Variants in RAP1GAP2 observed in about 807,000 individuals in gnomAD.
RAP1GAP2 encodes the protein rap1 GTPase-activating protein 2.
RAP1GAP2 carries 27 observed loss-of-function variants against 95.0 expected under a neutral mutation model. The ratio of observed to expected loss-of-function variants is 0.28; its 90% CI spans 0.21 to 0.39. The LOEUF is 0.39. Ranked by LOEUF, RAP1GAP2 falls within the 10% of genes least tolerant of loss-of-function variation. The pLI is 1.00. For synonymous variants in RAP1GAP2, 373 were observed against 380.9 expected (o/e 0.98, Z 0.24); for missense variants, 771 against 970.0 (o/e 0.79, Z 2.72).
In RAP1GAP2 at chr17:3,004,590, C is replaced by T. The variant is rs1199226531; in HGVS notation, c.1201-779C>T. 6.6e-6 allele frequency among the ~76,000 whole-genome samples: 1 copy of T among 152,246 alleles called. No individual in the cohort carries two copies. Among genetic ancestry groups the T allele is most frequent in the South Asian group, 2.1e-4 (1 of 4,828 alleles). On this transcript the variant is annotated intron_variant, in intron 14 of 24. Coordinates refer to ENST00000254695, the MANE Select transcript of RAP1GAP2 (RefSeq NM_015085.5). The surrounding 1 kb of genome is among the most constrained non-coding windows in gnomAD (Gnocchi z 4.1). ...TGGGGCCCGTCCCACGCCTGGGCGA[C>T]CCCCATGCAGCGAACCTCGAGGCCG...
rs980102866 is a variant in RAP1GAP2 at position 2,870,686 on chromosome 17, A to G, written c.81-34598A>G. On this transcript the variant is annotated intron_variant, in intron 2 of 24. Transcript: ENST00000254695. The surrounding 1 kb of genome is among the most constrained non-coding windows in gnomAD (Gnocchi z 4.4). ...AAAGGCGGGATTATACTTTAGGTAC[A>G]GTACATTAGTCAAGACCCTTGGTGG... Among the ~76,000 whole-genome samples the G allele has an allele frequency of 6.6e-6, 1 of 152,198 alleles. No homozygotes were observed. Among genetic ancestry groups the G allele is most frequent in the African/African-American group, 2.4e-5 (1 of 41,448 alleles).
intron 3 of RAP1GAP2, among the ~76,000 whole-genome samples, chr17:2,929,325 T>C (rs2043066184): frequency 6.6e-6 from 1 of 151,840 alleles, no homozygotes; most frequent in African/African-American, 2.4e-5. Flanking sequence ...GGGCAGGGCC[T>C]GTGGAGGGTG....
chr17:2,957,178 G>A (rs1270152568), intron 3 of RAP1GAP2, among the ~76,000 whole-genome samples: 2 of 151,568 alleles, frequency 1.3e-5, no homozygotes, highest in South Asian at 2.1e-4. Context: ...TGGAGGCCTC[G>A]GTTCAATGGT....
chr17:3,019,509 G>A (rs1357546175), intron 18 of RAP1GAP2, among the ~76,000 whole-genome samples: 1 of 152,186 alleles, frequency 6.6e-6, no homozygotes, highest in Non-Finnish European at 1.5e-5. Flanking sequence ...GTGAGACCCT[G>A]TCTCCAAATC....
intron 4 of RAP1GAP2, among the ~76,000 whole-genome samples, chr17:2,959,068 C>A (rs1441176954): frequency 6.6e-6 from 1 of 152,126 alleles, no homozygotes; most frequent in African/African-American, 2.4e-5. Flanking sequence ...TTGCTTGGAG[C>A]AAAGCTGGGA....
At chr17:2,800,366 T>A (rs1276455055) in intron 1 of RAP1GAP2, 149 bp from the exon 2 acceptor site, 2 of 1,257,986 alleles carry the variant, frequency 1.6e-6, no homozygotes. Context: ...TCTCTCCCCC[T>A]GCTAGCGGAG....
chr17:2,990,079 TG>T (rs1419064254), intron 11 of RAP1GAP2, among the ~76,000 whole-genome samples: 59 of 152,376 alleles, frequency 3.9e-4, no homozygotes, highest in African/African-American at 1.4e-3. Context: ...CGTTGTTCCT[TG>T]TTCATGGCCA....
intron 2 of RAP1GAP2, among the ~76,000 whole-genome samples, chr17:2,864,387 A>T (rs951825031): frequency 6.6e-6 from 1 of 152,228 alleles, no homozygotes; most frequent in Non-Finnish European, 1.5e-5. Flanking sequence ...ATATTTTAGA[A>T]TTGGAAGATT....
chr17:2,921,683 C>A (rs962894722), intron 3 of RAP1GAP2, among the ~76,000 whole-genome samples: 3 of 151,640 alleles, frequency 2.0e-5, no homozygotes. Flanking sequence ...TCAGCAGGGC[C>A]GTTAAGGTGT....
Position 3,034,894 on chromosome 17 carries a change from C to T in RAP1GAP2, c.*1533C>T, listed in dbSNP as rs895592511. On this transcript the variant is annotated 3_prime_UTR_variant, in exon 25 of 25. Transcript: ENST00000254695. The surrounding 1 kb of genome is among the most constrained non-coding windows in gnomAD (Gnocchi z 5.1). ...AGAGTGACACTGGCTGGGCACCTGC[C>T]CCACGACCAATGACAAGGATTTCCA... 6.6e-6 allele frequency: 1 copy of T among 152,206 alleles called. No individual in the cohort carries two copies. Among genetic ancestry groups the T allele is most frequent in the East Asian group, 1.9e-4 (1 of 5,192 alleles). 9.4% of individuals were successfully genotyped at this position (152,206 alleles called of 1,614,324 possible).
At chr17:2,850,934 C>CT (rs2071821148) in intron 2 of RAP1GAP2, among the ~76,000 whole-genome samples, 1 of 152,042 alleles carries the variant, frequency 6.6e-6, no homozygotes, top group South Asian at 2.1e-4. Context: ...GTGGCGAATG[C>CT]CGGTAGTCCC....
chr17:2,839,558 G>A (rs2071283204), intron 2 of RAP1GAP2, among the ~76,000 whole-genome samples: 1 of 152,228 alleles, frequency 6.6e-6, no homozygotes, highest in Non-Finnish European at 1.5e-5. Context: ...AGATTTTAGA[G>A]TTTTTCCCTA....
intron 2 of RAP1GAP2, among the ~76,000 whole-genome samples, chr17:2,809,524 A>C (rs2069666834): frequency 6.6e-6 from 1 of 151,492 alleles, no homozygotes. Context: ...CACCCCTCTC[A>C]GCTCCCCGGG....
chr17:2,851,810 C>A (rs949144495), intron 2 of RAP1GAP2, among the ~76,000 whole-genome samples: 1 of 152,090 alleles, frequency 6.6e-6, no homozygotes, highest in Non-Finnish European at 1.5e-5. Flanking sequence ...GGTCTCAACT[C>A]AAGTGATCCA....
In RAP1GAP2 at chr17:2,870,261, C is replaced by T. The variant is rs192310370; in HGVS notation, c.81-35023C>T. 3.3e-5 allele frequency among the ~76,000 whole-genome samples: 5 copies of T among 151,748 alleles called. No homozygotes were observed. The highest frequency in any genetic ancestry group is 2.1e-4 in the South Asian group (1 of 4,806). On this transcript the variant is annotated intron_variant, in intron 2 of 24. Transcript: ENST00000254695. The surrounding 1 kb of genome is among the most constrained non-coding windows in gnomAD (Gnocchi z 4.4). ...CCTCCCGAGTAGCTGGGATTACAGGCGCCCACCACCACACCTGGCTAATTT... is the reference window on the plus strand; with the variant it reads ...CCTCCCGAGTAGCTGGGATTACAGGTGCCCACCACCACACCTGGCTAATTT...
chr17:2,829,536 T>C (rs1306423454), intron 2 of RAP1GAP2, among the ~76,000 whole-genome samples: 1 of 152,092 alleles, frequency 6.6e-6, no homozygotes. Flanking sequence ...CCTGTCTTCA[T>C]GTGAGAAGGG....
At chr17:3,032,757 G>A in intron 24 of RAP1GAP2, among the ~76,000 whole-genome samples, 1 of 152,186 alleles carries the variant, frequency 6.6e-6, no homozygotes, top group East Asian at 1.9e-4. Context: ...TGACCCAGGA[G>A]GGAGGAGTTC....
At chr17:2,920,820 A>G (rs1473564875) in intron 3 of RAP1GAP2, among the ~76,000 whole-genome samples, 1 of 152,068 alleles carries the variant, frequency 6.6e-6, no homozygotes, top group African/African-American at 2.4e-5. Context: ...ACTCTACTCC[A>G]CTGAGACCGG....
intron 1 of RAP1GAP2, among the ~76,000 whole-genome samples, chr17:2,798,191 A>T (rs2069148666): frequency 6.6e-6 from 1 of 152,186 alleles, no homozygotes; most frequent in African/African-American, 2.4e-5. Context: ...ATTCAGATTC[A>T]GGAGGTCTAG....
Sources: allele counts gnomAD v4.1 joint callset (sites outside exome capture counted in the v4.1 genomes callset), GRCh38; gene constraint gnomAD v4.1.1; non-coding constraint Gnocchi (gnomAD v3.1); transcripts MANE v1.5; gene names NCBI Gene and HGNC (gene_info 2026-07-23, HGNC 2026-07-21).